Variants in SOX5 observed in about 807,000 individuals in gnomAD.
SOX5 encodes transcription factor SOX-5.
In SOX5, 9 loss-of-function variants were observed where a neutral mutation model predicts 92.0. The ratio of observed to expected loss-of-function variants is 0.10; its 90% CI spans 0.06 to 0.17. The LOEUF (loss-of-function observed/expected upper bound fraction) is 0.17, where lower values mean the gene tolerates loss of function less well. Among genes scored for constraint, SOX5 ranks in the 10% least tolerant of loss-of-function variants. The probability of loss-of-function intolerance (pLI) is 1.00; values close to 1 mark genes in which losing one functional copy is unlikely to be tolerated. For missense variants in SOX5, 642 were observed against 944.5 expected, an observed-to-expected ratio of 0.68 and a Z score of 4.20; for synonymous variants, 344 against 336.3, an observed-to-expected ratio of 1.02 and a Z score of -0.25.
At chr12:23,830,324 T>A (rs1033876979) in intron 3 of SOX5, among the ~76,000 whole-genome samples, 4 of 152,170 alleles carry the variant, frequency 2.6e-5, no homozygotes, top group African/African-American at 4.8e-5. Context: ...AAAGGGTGCC[T>A]GGAGGTTAGA....
intron 1 of SOX5, among the ~76,000 whole-genome samples, chr12:24,480,927 A>G (rs1945921669): frequency 1.3e-5 from 2 of 150,810 alleles, no homozygotes; most frequent in Admixed American, 6.6e-5. Flanking sequence ...AGGAAAGGAA[A>G]TCAGTATATC....
intron 2 of SOX5, among the ~76,000 whole-genome samples, chr12:23,851,693 C>A (rs1271137562): frequency 6.6e-6 from 1 of 151,826 alleles, no homozygotes; most frequent in African/African-American, 2.4e-5. Flanking sequence ...AAGAGAGGTA[C>A]TTTTGTTTGG....
intron 3 of SOX5, among the ~76,000 whole-genome samples, chr12:23,766,398 C>A (rs953252591): frequency 6.6e-6 from 1 of 152,018 alleles, no homozygotes; most frequent in East Asian, 1.9e-4. Context: ...TGAACCCTAC[C>A]CACCTAAAGG....
Position 23,641,805 on chromosome 12 carries a change from A to G in SOX5, c.932-908T>C, listed in dbSNP as rs1324150295. Among the ~76,000 whole-genome samples, 7 of 152,242 alleles carry G rather than the reference A, an allele frequency of 4.6e-5. No homozygotes were observed. The East Asian group carries it at 1.2e-3, about 25-fold the overall frequency. On this transcript the variant is annotated intron_variant, in intron 7 of 14. Coordinates refer to ENST00000451604, the MANE Select transcript of SOX5 (RefSeq NM_006940.6). The stretch of plus-strand genomic sequence containing the variant: ...GCAAATAACTAAAAATAATAGAACA[A>G]TTTTGTAATGCATAAAACATTTTGT...
At chr12:24,451,825 A>G (rs927893335) in intron 1 of SOX5, among the ~76,000 whole-genome samples, 3 of 152,364 alleles carry the variant, frequency 2.0e-5, no homozygotes, top group Non-Finnish European at 2.9e-5. Context: ...ACATTGAATA[A>G]GAATGGCATG....
intron 1 of SOX5, among the ~76,000 whole-genome samples, chr12:24,411,909 T>C (rs1424198224): frequency 6.6e-6 from 1 of 152,204 alleles, no homozygotes; most frequent in Admixed American, 6.5e-5. Context: ...CATCTGAAGA[T>C]TACTTTTTTT....
chr12:24,427,734 T>G (rs1216124905), intron 1 of SOX5, among the ~76,000 whole-genome samples: 2 of 152,298 alleles, frequency 1.3e-5, no homozygotes, highest in East Asian at 3.9e-4. Context: ...ATATATGAGG[T>G]GTGAATGTGT....
intron 3 of SOX5, among the ~76,000 whole-genome samples, chr12:24,233,243 A>C (rs183678825): frequency 6.6e-6 from 1 of 152,348 alleles, no homozygotes; most frequent in Non-Finnish European, 1.5e-5. Flanking sequence ...TAAGGGTTAA[A>C]AACTTTAGAG....
intron 4 of SOX5, among the ~76,000 whole-genome samples, chr12:24,162,453 T>C (rs967365467): frequency 1.3e-5 from 2 of 152,128 alleles, no homozygotes; most frequent in Non-Finnish European, 2.9e-5. Flanking sequence ...TTTTGGTCCA[T>C]AACTATTGGC....
chr12:24,309,365 A>C (rs1357951520), intron 2 of SOX5, among the ~76,000 whole-genome samples: 1 of 152,174 alleles, frequency 6.6e-6, no homozygotes, highest in Non-Finnish European at 1.5e-5. Context: ...TATGTTAATA[A>C]ATATTATAAA....
intron 8 of SOX5, among the ~76,000 whole-genome samples, chr12:23,605,398 T>G (rs1338962435): frequency 6.7e-6 from 1 of 149,964 alleles, no homozygotes; most frequent in Non-Finnish European, 1.5e-5. Context: ...TGTTAAAATT[T>G]TAAATAACTA....
intron 4 of SOX5, among the ~76,000 whole-genome samples, chr12:24,003,965 C>T (rs1174407278): frequency 2.0e-5 from 3 of 151,980 alleles, no homozygotes; most frequent in Non-Finnish European, 4.4e-5. Context: ...GTCGCTAGAA[C>T]AGAACTGAGA....
intron 3 of SOX5, among the ~76,000 whole-genome samples, chr12:24,236,116 C>T (rs967567744): frequency 3.3e-5 from 5 of 151,968 alleles, no homozygotes; most frequent in African/African-American, 4.8e-5. Context: ...GGCGTGAACC[C>T]GGGAAGTGGG....
chr12:23,713,025 A>C, intron 6 of SOX5, among the ~76,000 whole-genome samples: 1 of 152,320 alleles, frequency 6.6e-6, no homozygotes, highest in Middle Eastern at 3.4e-3. Flanking sequence ...TTGAAAATAG[A>C]GTCTTTGTGG....
chr12:23,831,592 G>T (rs2096322195), intron 3 of SOX5, among the ~76,000 whole-genome samples: 1 of 152,006 alleles, frequency 6.6e-6, no homozygotes, highest in African/African-American at 2.4e-5. Context: ...TGCATTATTT[G>T]CATTAGTTCT....
chr12:23,793,481 TAAG>T (rs2095511660), intron 3 of SOX5, among the ~76,000 whole-genome samples: 2 of 152,292 alleles, frequency 1.3e-5, no homozygotes, highest in South Asian at 2.1e-4. Context: ...CATGAATATT[TAAG>T]AAGAACTATA....
At chr12:24,178,805 T>C (rs974945043) in intron 4 of SOX5, among the ~76,000 whole-genome samples, 1 of 152,206 alleles carries the variant, frequency 6.6e-6, no homozygotes, top group African/African-American at 2.4e-5. Flanking sequence ...ATGGAGAAAC[T>C]AAGACAGAGA....
intron 2 of SOX5, among the ~76,000 whole-genome samples, chr12:24,355,331 G>A (rs575497389): frequency 3.7e-5 from 3 of 81,244 alleles, no homozygotes; most frequent in Admixed American, 1.9e-4. Context: ...TTTTTGAGAT[G>A]GAGTCTCGCT....
chr12:24,174,433 G>T (rs564784516), intron 4 of SOX5, among the ~76,000 whole-genome samples: 1 of 152,302 alleles, frequency 6.6e-6, no homozygotes, highest in South Asian at 2.1e-4. Flanking sequence ...ATTACTTGGG[G>T]AGATAGAAGG....
Sources: allele counts gnomAD v4.1 joint callset (sites outside exome capture counted in the v4.1 genomes callset), GRCh38; gene constraint gnomAD v4.1.1; transcripts MANE v1.5; gene names NCBI Gene and HGNC (gene_info 2026-07-23, HGNC 2026-07-21).